HTT: variants seen among roughly 807,000 people sequenced by gnomAD.
The protein encoded by HTT is huntington disease protein.
HTT carries 104 observed loss-of-function variants against 362.3 expected under a neutral mutation model. The observed-to-expected ratio is 0.29, with a 90% CI of 0.24 to 0.34. The LOEUF is 0.34. Ranked by LOEUF, HTT falls within the 10% of genes least tolerant of loss-of-function variation. The pLI, the probability that HTT is intolerant of heterozygous loss-of-function variation, is 1.00. For missense variants in HTT, 3,301 were observed against 3,928.6 expected, an observed-to-expected ratio of 0.84 and a Z score of 4.27; for synonymous variants, 1,577 against 1,548.7, an observed-to-expected ratio of 1.02 and a Z score of -0.43.
intron 61 of HTT, among the ~76,000 whole-genome samples, chr4:3,234,263 G>A (rs746319484): frequency 2.0e-5 from 3 of 152,370 alleles, no homozygotes; most frequent in East Asian, 3.9e-4. Flanking sequence ...CAGGGACAGC[G>A]GCTCATCAGG....
At position 3,183,529 on chromosome 4, in the gene HTT, A is replaced by G. The variant is rs1196208456; in HGVS notation, c.4866+1059A>G. 2.0e-5 allele frequency among the ~76,000 whole-genome samples: 3 copies of G among 152,328 alleles called. No individual in the cohort carries two copies. The South Asian group carries it at 6.2e-4, about 32-fold the overall frequency. On this transcript the variant is annotated intron_variant, in intron 37 of 66. Transcript: ENST00000355072. ...CCGTGGTTTTTGGCATTTGATTTAA[A>G]CTTAGAGGCATGTGATATTGATGTT...
At chr4:3,113,878 A>G (rs1015298282) in intron 6 of HTT, among the ~76,000 whole-genome samples, 4 of 151,886 alleles carry the variant, frequency 2.6e-5, no homozygotes, top group African/African-American at 9.7e-5. Flanking sequence ...TCCTGTGCCT[A>G]ACAGTGTCCA....
chr4:3,123,223 G>T, intron 10 of HTT: 1 of 294,682 alleles, frequency 3.4e-6, no homozygotes, highest in Non-Finnish European at 6.2e-6. Context: ...TTTTTGTAAA[G>T]GGACAGAGTG....
chr4:3,113,275 C>A (rs1412603436), intron 6 of HTT, among the ~76,000 whole-genome samples: 1 of 152,138 alleles, frequency 6.6e-6, no homozygotes, highest in African/African-American at 2.4e-5. Flanking sequence ...CGTGTGCTGA[C>A]TCATCATAAT....
Position 3,117,985 on chromosome 4 carries a change from G to A in HTT, c.1068+1722G>A, listed in dbSNP as rs1023581868. Among the ~76,000 whole-genome samples, 7 of 152,266 alleles carry A rather than the reference G, an allele frequency of 4.6e-5. No individual in the cohort carries two copies. In the East Asian group the frequency reaches 1.4e-3, roughly 29 times the overall value. On this transcript the variant is annotated intron_variant, in intron 8 of 66. Coordinates refer to ENST00000355072, the MANE Select transcript of HTT (RefSeq NM_001388492.1). ...GCATCTAAATAAAATTGGTCGATAA[G>A]GATTGTAAATCTCTTTGATGAACTG...
At chr4:3,236,721 C>T (rs1016255464) in intron 64 of HTT, among the ~76,000 whole-genome samples, 3 of 152,194 alleles carry the variant, frequency 2.0e-5, no homozygotes, top group African/African-American at 7.2e-5. Flanking sequence ...GGAACCCACA[C>T]ATGCATCTTT....
chr4:3,092,528 G>A (rs1299846662), intron 2 of HTT, among the ~76,000 whole-genome samples: 2 of 152,096 alleles, frequency 1.3e-5, no homozygotes, highest in Admixed American at 6.5e-5. Flanking sequence ...GGGACTTTAG[G>A]CAGTGCTACT....
intron 64 of HTT, among the ~76,000 whole-genome samples, chr4:3,237,601 C>A (rs1350181489): frequency 6.6e-6 from 1 of 152,162 alleles, no homozygotes; most frequent in Admixed American, 6.5e-5. Flanking sequence ...CACCTCGCAG[C>A]TGACCACAGA....
At chr4:3,181,577 G>A (rs1181140186) in intron 36 of HTT, among the ~76,000 whole-genome samples, 2 of 151,956 alleles carry the variant, frequency 1.3e-5, no homozygotes, top group East Asian at 3.9e-4. Context: ...ATTCTTTTTA[G>A]CTGTTTGTCT....
rs757020569 is a variant in HTT at position 3,074,917 on chromosome 4, AGCAGCAGCAGCAGCAGCAACAG to A, written c.93_114del (p.Gln31HisfsTer63). The A allele has an allele frequency of 1.7e-3, 2,467 of 1,493,004 alleles. 13 individuals are homozygous for A. The highest frequency in any genetic ancestry group is 1.6e-3 in the South Asian group (133 of 80,896). 92.5% of individuals were successfully genotyped at this position (1,493,004 alleles called of 1,614,324 possible). A position where few individuals can be genotyped will look rare whatever the true frequency, so the allele number is the denominator to read the frequency against. On this transcript the variant is annotated frameshift_variant, in exon 1 of 67. Transcript: ENST00000355072. LOFTEE classifies it high-confidence loss of function. ...CAGCAGCAGCAGCAGCAGCAGCAGCAGCAGCAGCAGCAGCAGCAACAGCCGCCACCGCCGCCGCCGCCGCCGC... is the reference window on the plus strand; with the variant it reads ...CAGCAGCAGCAGCAGCAGCAGCAGCACCGCCACCGCCGCCGCCGCCGCCGC...
At chr4:3,236,123 C>G (rs865851114) in intron 63 of HTT, 26 bp from the exon 64 acceptor site, 11 of 1,549,308 alleles carry the variant, frequency 7.1e-6, no homozygotes, top group Non-Finnish European at 9.8e-6. Context: ...TAGAGGTAAC[C>G]TTCGTACTGA....
chr4:3,163,576 T>C (rs1188760957), intron 29 of HTT, among the ~76,000 whole-genome samples: 1 of 152,230 alleles, frequency 6.6e-6, no homozygotes, highest in Non-Finnish European at 1.5e-5. Context: ...TAGTAGGCTA[T>C]TAACTATTGC....
At chr4:3,158,780 C>T (rs1355808308) in intron 28 of HTT, among the ~76,000 whole-genome samples, 2 of 152,038 alleles carry the variant, frequency 1.3e-5, no homozygotes, top group Admixed American at 6.6e-5. Context: ...GTTCTCATGT[C>T]AGCTCCCAAA....
chr4:3,164,733 G>A (rs1016621926), intron 29 of HTT, among the ~76,000 whole-genome samples: 2 of 152,106 alleles, frequency 1.3e-5, no homozygotes, highest in African/African-American at 4.8e-5. Flanking sequence ...TCAGAGACTA[G>A]GATTGCAATC....
At chr4:3,233,095 C>A in intron 60 of HTT, 68 bp from the exon 61 acceptor site, 1 of 1,368,522 alleles carries the variant, frequency 7.3e-7, no homozygotes, top group Non-Finnish European at 1.0e-6. Context: ...CCCGCCTCGG[C>A]TGTGGGGAGG....
rs148278311 is a variant in HTT, at chr4:3,240,168, G to C, written c.*109G>C. ...GCCAGCTTGGTCCCTATGGGCTTCC[G>C]CACATGCCGCGGGCGGCCAGGCAAC... On this transcript the variant is annotated 3_prime_UTR_variant, in exon 67 of 67. Coordinates refer to ENST00000355072, the MANE Select transcript of HTT (RefSeq NM_001388492.1). 4 of 904,022 alleles carry C rather than the reference G, an allele frequency of 4.4e-6. No individual in the cohort carries two copies. Among genetic ancestry groups the C allele is most frequent in the Non-Finnish European group, 6.7e-6 (4 of 592,640 alleles). The allele number at this position is 904,022 out of a possible 1,614,324, so 56.0% of individuals were successfully genotyped here.
At chr4:3,075,187 C>T (rs1712451041) in intron 1 of HTT, 99 bp downstream of exon 1, 2 of 1,101,084 alleles carry the variant, frequency 1.8e-6, no homozygotes, top group African/African-American at 1.7e-5. Context: ...ACACGAACCC[C>T]CGGCCCCGCA....
chr4:3,205,273 A>G (rs1028074152), intron 42 of HTT, among the ~76,000 whole-genome samples: 1 of 152,158 alleles, frequency 6.6e-6, no homozygotes, highest in East Asian at 1.9e-4. Context: ...TATTTAAAAC[A>G]TATGCATTTC....
chr4:3,103,221 A>ATTT (rs748779241), intron 3 of HTT, among the ~76,000 whole-genome samples: 1,151 of 109,024 alleles, frequency 0.011, 79 homozygotes, highest in African/African-American at 0.039. Context: ...TATATATATA[A>ATTT]TTTTTTTTTT....
Sources: allele counts gnomAD v4.1 joint callset (sites outside exome capture counted in the v4.1 genomes callset), GRCh38; gene constraint gnomAD v4.1.1; transcripts MANE v1.5; gene names NCBI Gene and HGNC (gene_info 2026-07-23, HGNC 2026-07-21).